ATF6: variants seen among roughly 807,000 people sequenced by gnomAD.
ATF6 encodes the protein cyclic AMP-dependent transcription factor ATF-6 alpha.
In ATF6, 53 loss-of-function variants were observed where a neutral mutation model predicts 83.6. The ratio of observed to expected loss-of-function variants is 0.63; its 90% CI spans 0.51 to 0.80. ATF6 has a LOEUF of 0.80. Ranked by LOEUF, ATF6 falls within the 30% of genes least tolerant of loss-of-function variation. ATF6 has a pLI of 0.00. For missense variants in ATF6, 744 were observed against 797.9 expected (o/e 0.93, Z 0.81); for synonymous variants, 288 against 285.8 (o/e 1.01, Z -0.08).
chr1:161,913,432 A>C (rs1269687184), intron 15 of ATF6, among the ~76,000 whole-genome samples: 1 of 152,236 alleles, frequency 6.6e-6, no homozygotes, highest in African/African-American at 2.4e-5. Context: ...TTCATCATAC[A>C]TTTTAAGACC....
chr1:161,887,070 C>CT (rs879759167), intron 14 of ATF6, among the ~76,000 whole-genome samples: 146 of 146,194 alleles, frequency 1.0e-3, no homozygotes, highest in South Asian at 1.8e-3. Context: ...TAAAATGAAG[C>CT]TTTTTTTTTT....
chr1:161,915,490 G>C lies in ATF6; in HGVS notation c.1804+3110G>C, dbSNP rs567740170. Among the ~76,000 whole-genome samples the C allele has an allele frequency of 8.5e-5, 13 of 152,252 alleles. No individual in the cohort carries two copies. The South Asian group carries it at 2.7e-3, about 32-fold the overall frequency. On this transcript the variant is annotated intron_variant, in intron 15 of 15. Coordinates refer to ENST00000367942, the MANE Select transcript of ATF6 (RefSeq NM_007348.4). ...TAAGACATCATTGCCAACTTCTAAG[G>C]TAATTTCTTCCTTTTGGACCCTGAC...
At chr1:161,799,903 T>C (rs1472035999) in intron 6 of ATF6, among the ~76,000 whole-genome samples, 1 of 152,172 alleles carries the variant, frequency 6.6e-6, no homozygotes, top group African/African-American at 2.4e-5. Context: ...TTGAGCTGAG[T>C]TTTACATGGG....
chr1:161,851,563 G>A (rs1053898531), intron 10 of ATF6, among the ~76,000 whole-genome samples, 159 bp from the exon 11 acceptor site: 2 of 152,128 alleles, frequency 1.3e-5, no homozygotes, highest in Admixed American at 1.3e-4. Context: ...GACATTTCAT[G>A]TAAAATAAGG....
chr1:161,944,894 A>G (rs1349613533), intron 15 of ATF6, among the ~76,000 whole-genome samples: 1 of 152,254 alleles, frequency 6.6e-6, no homozygotes, highest in Non-Finnish European at 1.5e-5. Flanking sequence ...GAAGTGCACC[A>G]ATAAGTCAGG....
chr1:161,877,362 CA>C (rs1419868362), intron 14 of ATF6, among the ~76,000 whole-genome samples: 1 of 152,050 alleles, frequency 6.6e-6, no homozygotes, highest in Non-Finnish European at 1.5e-5. Context: ...CAGAGAATAA[CA>C]AGGATGCTCT....
intron 9 of ATF6, among the ~76,000 whole-genome samples, chr1:161,833,966 A>G (rs919031897): frequency 1.3e-5 from 2 of 152,186 alleles, no homozygotes; most frequent in Non-Finnish European, 2.9e-5. Flanking sequence ...AGATTCACCA[A>G]AGTTGAAATG....
At chr1:161,794,548 A>C (rs140393015) in intron 6 of ATF6, among the ~76,000 whole-genome samples, 104 of 152,022 alleles carry the variant, frequency 6.8e-4, no homozygotes, top group African/African-American at 2.3e-3. Context: ...TCTTGGGCTC[A>C]AGGGATCTAC....
At chr1:161,914,799 C>T (rs1249550291) in intron 15 of ATF6, among the ~76,000 whole-genome samples, 1 of 152,142 alleles carries the variant, frequency 6.6e-6, no homozygotes, top group Non-Finnish European at 1.5e-5. Flanking sequence ...TCACCACTCT[C>T]TTGTGAACAC....
chr1:161,829,727 A>G (rs1686000748), intron 9 of ATF6, among the ~76,000 whole-genome samples: 1 of 152,192 alleles, frequency 6.6e-6, no homozygotes, highest in Non-Finnish European at 1.5e-5. Context: ...CAATAGATGC[A>G]GAAAAGGCCT....
chr1:161,922,946 A>G (rs1376156329), intron 15 of ATF6, among the ~76,000 whole-genome samples: 3 of 152,152 alleles, frequency 2.0e-5, no homozygotes, highest in African/African-American at 4.8e-5. Context: ...TCTGATGTAC[A>G]TGTAAAGAGA....
rs558736392 is a variant in ATF6, at chr1:161,789,041, A to G, written c.355-2367A>G. On this transcript the variant is annotated intron_variant, in intron 4 of 15. Coordinates refer to ENST00000367942, the MANE Select transcript of ATF6 (RefSeq NM_007348.4). ...TTTTGGGTACATGGTAGGCATATAT[A>G]TTTGTGGGGTACATGAGATGTTTTG... is the stretch of plus-strand genomic sequence containing the variant. 6.6e-5 allele frequency among the ~76,000 whole-genome samples: 10 copies of G among 151,970 alleles called. No homozygotes were observed. The South Asian group carries it at 2.1e-3, about 32-fold the overall frequency.
At chr1:161,807,754 T>G (rs1483781719) in intron 7 of ATF6, among the ~76,000 whole-genome samples, 2 of 152,118 alleles carry the variant, frequency 1.3e-5, no homozygotes, top group East Asian at 3.8e-4. Flanking sequence ...GAACAGCTTT[T>G]TTTTGTTGTT....
intron 15 of ATF6, among the ~76,000 whole-genome samples, chr1:161,945,613 T>C (rs1688732537): frequency 6.6e-6 from 1 of 152,200 alleles, no homozygotes; most frequent in Non-Finnish European, 1.5e-5. Context: ...AAACTACAAA[T>C]GGGATCCTAA....
At chr1:161,948,301 T>C (rs1688794576) in intron 15 of ATF6, among the ~76,000 whole-genome samples, 1 of 152,236 alleles carries the variant, frequency 6.6e-6, no homozygotes, top group African/African-American at 2.4e-5. Flanking sequence ...TAGATCGGTT[T>C]CCAATAGTAG....
At position 161,767,909 on chromosome 1, in the gene ATF6, G is replaced by GT. The variant is rs112403226; in HGVS notation, c.82+1468dup. Among the ~76,000 whole-genome samples, 1,095 of 152,298 alleles carry GT rather than the reference G, an allele frequency of 7.2e-3. 21 individuals are homozygous for GT. Among genetic ancestry groups the GT allele is most frequent in the African/African-American group, 0.026 (1,062 of 41,558 alleles). ...TCGCTTTTGTTGCCCAGGCTAGAGTGTAATGGCGCAATCTTGGCTCACCGC... is the reference window on the plus strand; with the variant it reads ...TCGCTTTTGTTGCCCAGGCTAGAGTGTTAATGGCGCAATCTTGGCTCACCGC... On this transcript the variant is annotated intron_variant, in intron 1 of 15. Transcript: ENST00000367942.
At chr1:161,826,946 T>TC (rs907676479) in intron 9 of ATF6, among the ~76,000 whole-genome samples, 2 of 150,824 alleles carry the variant, frequency 1.3e-5, no homozygotes, top group Non-Finnish European at 3.0e-5. Flanking sequence ...TTTTTTTTTT[T>TC]TTTGAGATGG....
At position 161,927,250 on chromosome 1, in the gene ATF6, G is replaced by A. The variant is rs548159897; in HGVS notation, c.1804+14870G>A. Among the ~76,000 whole-genome samples the A allele has an allele frequency of 4.6e-5, 7 of 152,298 alleles. No homozygotes were observed. In the South Asian group the frequency reaches 1.5e-3, roughly 32 times the overall value. ...CTGACAGAGCTGAGACCAGATCTCA[G>A]ACCTTTAGGTCTGTAGGCAAGCATT... On this transcript the variant is annotated intron_variant, in intron 15 of 15. Transcript: ENST00000367942.
intron 6 of ATF6, among the ~76,000 whole-genome samples, chr1:161,800,476 T>C (rs1685120355): frequency 6.6e-6 from 1 of 152,338 alleles, no homozygotes; most frequent in African/African-American, 2.4e-5. Flanking sequence ...TGAATTCATA[T>C]GCTACTGACA....
Sources: allele counts gnomAD v4.1 joint callset (sites outside exome capture counted in the v4.1 genomes callset), GRCh38; gene constraint gnomAD v4.1.1; transcripts MANE v1.5; gene names NCBI Gene and HGNC (gene_info 2026-07-23, HGNC 2026-07-21).